Variants in HDAC9 observed in about 807,000 individuals in gnomAD.
HDAC9 encodes histone deacetylase 9, also known as MEF-2 interacting transcription repressor (MITR) protein.
HDAC9 carries 41 observed loss-of-function variants against 139.4 expected under a neutral mutation model. The ratio of observed to expected loss-of-function variants is 0.29; its 90% CI spans 0.23 to 0.38. The LOEUF (loss-of-function observed/expected upper bound fraction) is 0.38, where lower values mean the gene tolerates loss of function less well. Ranked by LOEUF, HDAC9 falls within the 10% of genes least tolerant of loss-of-function variation. HDAC9 has a pLI of 1.00. For synonymous variants in HDAC9, 517 were observed against 476.2 expected (o/e 1.09, Z -1.12); for missense variants, 1,147 against 1,297.0 (o/e 0.88, Z 1.78).
At chr7:18,406,510 C>T (rs572059145) in intron 1 of HDAC9, among the ~76,000 whole-genome samples, 1 of 152,252 alleles carries the variant, frequency 6.6e-6, no homozygotes, top group Admixed American at 6.5e-5. Context: ...TTTCCTGCCT[C>T]AGCCTCCCGA....
At chr7:18,147,622 T>C (rs1786437096) in intron 1 of HDAC9, among the ~76,000 whole-genome samples, 2 of 148,250 alleles carry the variant, frequency 1.3e-5, no homozygotes, top group Non-Finnish European at 3.0e-5. Context: ...TGTTTTGTCT[T>C]ACCTCAGGAC....
intron 22 of HDAC9, among the ~76,000 whole-genome samples, chr7:18,888,743 A>T (rs1315789905): frequency 6.6e-6 from 1 of 152,204 alleles, no homozygotes; most frequent in Non-Finnish European, 1.5e-5. Flanking sequence ...TGTGTAAAAT[A>T]CATATTTATT....
intron 1 of HDAC9, among the ~76,000 whole-genome samples, chr7:18,473,749 G>T (rs1449378254): frequency 1.3e-5 from 2 of 152,166 alleles, no homozygotes; most frequent in African/African-American, 4.8e-5. Flanking sequence ...ACTGACTAGA[G>T]CCTTGTTATG....
intron 2 of HDAC9, among the ~76,000 whole-genome samples, chr7:18,239,453 A>G (rs979200136): frequency 1.3e-5 from 2 of 152,174 alleles, no homozygotes; most frequent in Non-Finnish European, 2.9e-5. Flanking sequence ...ATCAGGGGCC[A>G]TAGGTTTCGT....
chr7:18,155,005 A>G (rs1356373032), intron 1 of HDAC9, among the ~76,000 whole-genome samples: 5 of 151,870 alleles, frequency 3.3e-5, no homozygotes, highest in South Asian at 2.1e-4. Context: ...CACTTCGACT[A>G]TTACTTCCTT....
chr7:18,701,369 G>T, intron 12 of HDAC9, among the ~76,000 whole-genome samples: 1 of 140,324 alleles, frequency 7.1e-6, no homozygotes, highest in Admixed American at 7.5e-5. Flanking sequence ...GTCCAATACA[G>T]ACATTGATTC....
chr7:18,375,286 A>G (rs955380359), intron 1 of HDAC9, among the ~76,000 whole-genome samples: 5 of 152,144 alleles, frequency 3.3e-5, no homozygotes, highest in African/African-American at 1.2e-4. Context: ...CCTGACCAAC[A>G]TGGTGAAACC....
At chr7:18,405,779 C>G (rs1787948378) in intron 1 of HDAC9, among the ~76,000 whole-genome samples, 1 of 152,212 alleles carries the variant, frequency 6.6e-6, no homozygotes, top group Admixed American at 6.5e-5. Context: ...AATTTGCCAT[C>G]TTCAACTTTA....
chr7:18,089,922 TTTTTG>T (rs1471583507), intron 1 of HDAC9, among the ~76,000 whole-genome samples: 1 of 140,846 alleles, frequency 7.1e-6, no homozygotes, highest in Admixed American at 7.3e-5. Context: ...CATTGGTTTT[TTTTTG>T]TTTGTTTTAA....
chr7:18,288,518 A>T (rs536329615), upstream of HDAC9, among the ~76,000 whole-genome samples: 1 of 152,156 alleles, frequency 6.6e-6, no homozygotes, highest in South Asian at 2.1e-4. Flanking sequence ...TCTTTAATTC[A>T]TATTTACTTG....
intron 1 of HDAC9, among the ~76,000 whole-genome samples, chr7:18,457,228 G>T (rs1182601504): frequency 6.6e-6 from 1 of 152,158 alleles, no homozygotes; most frequent in Non-Finnish European, 1.5e-5. Flanking sequence ...AAATGTGCAT[G>T]CAGTTCTGCT....
intron 12 of HDAC9, among the ~76,000 whole-genome samples, chr7:18,713,808 C>T (rs1295179953): frequency 6.6e-6 from 1 of 152,052 alleles, no homozygotes; most frequent in Non-Finnish European, 1.5e-5. Flanking sequence ...CTAGTCATAA[C>T]TGATGACTGT....
chr7:18,677,531 G>A (rs567023917), intron 12 of HDAC9, among the ~76,000 whole-genome samples: 1 of 151,768 alleles, frequency 6.6e-6, no homozygotes, highest in Non-Finnish European at 1.5e-5. Context: ...ACTAAGTATA[G>A]GTTTAACTTT....
At chr7:18,754,863 G>A (rs1460947690) in intron 14 of HDAC9, among the ~76,000 whole-genome samples, 2 of 152,106 alleles carry the variant, frequency 1.3e-5, no homozygotes, top group Non-Finnish European at 2.9e-5. Context: ...TCAAATCTAA[G>A]TAAGGAAATA....
intron 1 of HDAC9, among the ~76,000 whole-genome samples, chr7:18,362,409 G>C (rs1311415350): frequency 1.3e-5 from 2 of 152,038 alleles, no homozygotes; most frequent in Non-Finnish European, 2.9e-5. Flanking sequence ...CAAGTTTCTT[G>C]GTAACTTAGA....
intron 2 of HDAC9, among the ~76,000 whole-genome samples, chr7:18,566,730 A>C (rs1430632617): frequency 2.0e-5 from 3 of 152,222 alleles, no homozygotes; most frequent in Non-Finnish European, 4.4e-5. Context: ...ATTAGCAAGC[A>C]ATTGAGAGTA....
intron 1 of HDAC9, among the ~76,000 whole-genome samples, chr7:18,297,404 A>G (rs1798222752): frequency 6.6e-6 from 1 of 152,090 alleles, no homozygotes; most frequent in Non-Finnish European, 1.5e-5. Context: ...AGAATTTTGC[A>G]CCAATTCTTT....
chr7:18,143,097 C>T (rs1042048406), intron 1 of HDAC9, among the ~76,000 whole-genome samples: 23 of 152,170 alleles, frequency 1.5e-4, no homozygotes, highest in Admixed American at 2.6e-4. Context: ...GCTGCTTCAT[C>T]ACCTAAATGT....
At position 18,779,980 on chromosome 7, in the gene HDAC9, T is replaced by G. The variant is rs955510759; in HGVS notation, c.2214+12825T>G. Among the ~76,000 whole-genome samples the G allele has an allele frequency of 2.6e-5, 4 of 152,030 alleles. No homozygotes were observed. In the East Asian group the frequency reaches 7.7e-4, roughly 29 times the overall value. On this transcript the variant is annotated intron_variant, in intron 16 of 25. Transcript: ENST00000686413. ...AGGCAGAGAGCCTTCATTTAGGAACTCCGGAATCTGGATTCAAATCTTTAC... is the reference window on the plus strand; with the variant it reads ...AGGCAGAGAGCCTTCATTTAGGAACGCCGGAATCTGGATTCAAATCTTTAC...
Sources: allele counts gnomAD v4.1 joint callset (sites outside exome capture counted in the v4.1 genomes callset), GRCh38; gene constraint gnomAD v4.1.1; transcripts MANE v1.5; gene names NCBI Gene and HGNC (gene_info 2026-07-23, HGNC 2026-07-21).